Variants in MYLK observed in about 807,000 individuals in gnomAD.
MYLK encodes the protein myosin light chain kinase, also known as myosin light chain kinase, smooth muscle.
Under a neutral mutation model 203.4 loss-of-function variants are expected in MYLK, and 106 were observed. The ratio of observed to expected loss-of-function variants is 0.52; its 90% CI spans 0.45 to 0.61. The LOEUF is 0.61. MYLK is among the 20% of genes least tolerant of loss of function. The pLI, the probability that MYLK is intolerant of heterozygous loss-of-function variation, is 0.00. For synonymous variants in MYLK, 867 were observed against 959.5 expected (o/e 0.90, Z 1.78); for missense variants, 2,072 against 2,442.3 (o/e 0.85, Z 3.20).
intron 4 of MYLK, among the ~76,000 whole-genome samples, chr3:123,778,248 G>T (rs1348042867): frequency 6.6e-6 from 1 of 152,122 alleles, no homozygotes; most frequent in Non-Finnish European, 1.5e-5. Flanking sequence ...ATGGTATAGA[G>T]TATAACTGTG....
rs537224715 is a variant in MYLK, at chr3:123,700,841, C to A, written c.2627G>T (p.Arg876Leu). The A allele has an allele frequency of 6.2e-7, 1 of 1,613,968 alleles. No homozygotes were observed. The highest frequency in any genetic ancestry group is 1.7e-5 in the Admixed American group (1 of 60,008). Reference protein sequence around the residue: ...GEDVRGVLKRRVETRQHTEEA... With the variant: ...GEDVRGVLKRLVETRQHTEEA... ...CTCAGTGTGCTGCCTCGTCTCCACG[C>A]GCCTCTTCAGCACCCCTCGCACGTC... Residue 876 changes from arginine to leucine, a missense_variant, in exon 18 of 34, where the codon CGC becomes CTC. Physicochemically the swap from Arg to Leu is moderately radical, Grantham distance 102. This residue lies in a region of MYLK where 865 missense variants were observed against 1,016.0 expected (regional missense o/e 0.85). Transcript: ENST00000360304.
chr3:123,789,265 C>T (rs1272004781), intron 4 of MYLK, among the ~76,000 whole-genome samples: 1 of 152,160 alleles, frequency 6.6e-6, no homozygotes, highest in East Asian at 1.9e-4. Context: ...GTGAGCAGAA[C>T]ACAGAGCGCG....
At chr3:123,874,764 A>T (rs2033038597) in intron 2 of MYLK, among the ~76,000 whole-genome samples, 1 of 152,166 alleles carries the variant, frequency 6.6e-6, no homozygotes, top group Admixed American at 6.5e-5. Context: ...TGTCCAGAAT[A>T]TATAAAGAGC....
chr3:123,743,243 A>G (rs963847114), intron 5 of MYLK, among the ~76,000 whole-genome samples: 1 of 152,188 alleles, frequency 6.6e-6, no homozygotes, highest in Non-Finnish European at 1.5e-5. Context: ...AAATAAATAA[A>G]AGCAAAAACA....
intron 20 of MYLK, chr3:123,680,948 A>T (rs1421348111): frequency 6.6e-6 from 1 of 152,180 alleles, no homozygotes; most frequent in Non-Finnish European, 1.5e-5. Flanking sequence ...TAAAAATTAT[A>T]AGGGAAGCCA....
In MYLK at chr3:123,646,987, G is replaced by T. The variant is rs1171881231; in HGVS notation, c.4619+237C>A. 3 of 582,696 alleles carry T rather than the reference G, an allele frequency of 5.1e-6. No homozygotes were observed. The Admixed American group carries it at 9.1e-5, about 18-fold the overall frequency. 36.1% of individuals were successfully genotyped at this position (582,696 alleles called of 1,614,324 possible). On this transcript the variant is annotated intron_variant, in intron 27 of 33. Coordinates refer to ENST00000360304, the MANE Select transcript of MYLK (RefSeq NM_053025.4). ...CTCAAAGATCTACTGGTTTGTTTTG[G>T]AAATAAGCACAAGGCTGCAGCTGGG...
Position 123,618,690 on chromosome 3 carries a change from C to G in MYLK, c.5449G>C (p.Asp1817His). Reference protein sequence around the residue: ...VKPYFSKTIRDLEVVEGSAAR... With the variant: ...VKPYFSKTIRHLEVVEGSAAR... ...GCACTTCCCTCCACAACTTCTAAAT[C>G]GCGAATGGTCTTAGAGAAATAGGGT... Residue 1817 changes from aspartate to histidine, a missense_variant, in exon 33 of 34, where the codon GAT (aspartate) becomes CAT (histidine). Physicochemically the swap from Asp to His is moderately conservative, Grantham distance 81. This residue lies in a region of MYLK where 524 missense variants were observed against 782.4 expected (regional missense o/e 0.67). Coordinates refer to ENST00000360304, the MANE Select transcript of MYLK (RefSeq NM_053025.4). The G allele has an allele frequency of 6.2e-7, 1 of 1,614,152 alleles. No individual in the cohort carries two copies. The highest frequency in any genetic ancestry group is 1.3e-5 in the African/African-American group (1 of 75,032).
At chr3:123,733,419 C>A (rs562357715) in intron 10 of MYLK, among the ~76,000 whole-genome samples, 33 of 152,280 alleles carry the variant, frequency 2.2e-4, no homozygotes, top group African/African-American at 7.7e-4. Flanking sequence ...GAGGGTGTTT[C>A]TTCTAGGGTG....
At position 123,775,911 on chromosome 3, in the gene MYLK, T is replaced by C. The variant is rs569241331; in HGVS notation, c.165+17766A>G. ...ATCACCTACTGTGTGTCAGGCATCA[T>C]GGTAGGCACTGAGGTCTCCTGAGCC... On this transcript the variant is annotated intron_variant, in intron 4 of 33. Transcript: ENST00000360304. 2.4e-4 allele frequency among the ~76,000 whole-genome samples: 36 copies of C among 152,310 alleles called. 2 individuals carry two copies. In the South Asian group the frequency reaches 7.3e-3, roughly 31 times the overall value.
intron 18 of MYLK, among the ~76,000 whole-genome samples, chr3:123,695,042 C>T (rs1013890289): frequency 4.6e-5 from 7 of 152,164 alleles, no homozygotes; most frequent in Non-Finnish European, 7.4e-5. Flanking sequence ...GTGGAGTAAG[C>T]GCTCCTGGGT....
chr3:123,882,587 G>A (rs897287210), intron 1 of MYLK, among the ~76,000 whole-genome samples: 9 of 152,110 alleles, frequency 5.9e-5, no homozygotes, highest in African/African-American at 1.9e-4. Flanking sequence ...CTGCAAATGA[G>A]GTCCAGCATC....
chr3:123,765,420 A>T (rs1026633282), intron 4 of MYLK, among the ~76,000 whole-genome samples: 1 of 152,026 alleles, frequency 6.6e-6, no homozygotes, highest in Non-Finnish European at 1.5e-5. Context: ...AATCCCAGCT[A>T]CTTGGGAGGC....
chr3:123,640,140 T>C lies in MYLK; in HGVS notation c.4837+147A>G, dbSNP rs2058779969. The C allele has an allele frequency of 1.4e-6, 1 of 738,442 alleles. No individual in the cohort carries two copies. The highest frequency in any genetic ancestry group is 2.1e-5 in the Admixed American group (1 of 48,554). 45.7% of individuals were successfully genotyped at this position (738,442 alleles called of 1,614,324 possible). On this transcript the variant is annotated intron_variant, in intron 28 of 33. Coordinates refer to ENST00000360304, the MANE Select transcript of MYLK (RefSeq NM_053025.4). The surrounding 1 kb of genome is among the most constrained non-coding windows in gnomAD (Gnocchi z 4.3). ...TTGAGGCTTACTGTCACGTCTAGTA[T>C]GTGGTAGGGGCAGGATTCAAACCTG...
intron 20 of MYLK, among the ~76,000 whole-genome samples, chr3:123,679,035 G>A (rs1426125104): frequency 1.3e-5 from 2 of 152,186 alleles, no homozygotes; most frequent in African/African-American, 4.8e-5. Flanking sequence ...TCGGCCGGGC[G>A]CGGTGGCTCA....
At chr3:123,842,526 A>G (rs2066618993) in intron 2 of MYLK, among the ~76,000 whole-genome samples, 1 of 152,230 alleles carries the variant, frequency 6.6e-6, no homozygotes, top group Admixed American at 6.5e-5. Context: ...ATTACAAAAT[A>G]TGCATTACTC....
chr3:123,704,068 C>G (rs2061354874), intron 16 of MYLK, among the ~76,000 whole-genome samples: 1 of 152,234 alleles, frequency 6.6e-6, no homozygotes, highest in Admixed American at 6.5e-5. Flanking sequence ...CAGACTCAGA[C>G]AAGCCTCTCA....
Position 123,666,269 on chromosome 3 carries a change from C to T in MYLK, c.3781G>A (p.Val1261Met), listed in dbSNP as rs780094038. The change falls in exon 22 of 34, where the codon GTG becomes ATG. Residue 1261 changes from valine (V) to methionine (M), a missense_variant. Physicochemically the swap from Val to Met is conservative, Grantham distance 21. This residue lies in a region of MYLK where 865 missense variants were observed against 1,016.0 expected (regional missense o/e 0.85). Transcript: ENST00000360304. Reference protein sequence around the residue: ...AGESVELFGKVTGTQPITCTW... With the variant: ...AGESVELFGKMTGTQPITCTW... Reference sequence around the variant, plus strand: ...CAGGTGATGGGCTGAGTGCCTGTCACTTTGCCAAACAGCTCCACTGACTCT... The same window carrying T: ...CAGGTGATGGGCTGAGTGCCTGTCATTTTGCCAAACAGCTCCACTGACTCT... The T allele has an allele frequency of 1.4e-5, 23 of 1,614,218 alleles. 1 individual carries two copies. In the South Asian group the frequency reaches 1.4e-4, roughly 10 times the overall value.
Position 123,735,433 on chromosome 3 carries a change from G to C in MYLK, c.755-17C>G, listed in dbSNP as rs2108799589. ...TGTCCAAACCTGGAAAAAGGGGGAA[G>C]GGTGGAAAGACTGTTAGTAGAATGC... is the stretch of plus-strand genomic sequence containing the variant. On this transcript the variant is annotated splice_polypyrimidine_tract_variant and intron_variant, in intron 8 of 33. Coordinates refer to ENST00000360304, the MANE Select transcript of MYLK (RefSeq NM_053025.4). 6.2e-7 allele frequency: 1 copy of C among 1,614,046 alleles called. No homozygotes were observed. The highest frequency in any genetic ancestry group is 2.2e-5 in the East Asian group (1 of 44,892).
chr3:123,831,301 A>C, intron 3 of MYLK: 1 of 1,159,738 alleles, frequency 8.6e-7, no homozygotes, highest in Non-Finnish European at 1.1e-6. Context: ...GGCTAGTTCC[A>C]ATGATGATTT....
Sources: gnomAD v4.1 joint callset for allele counts (sites outside exome capture counted in the v4.1 genomes callset) on GRCh38, gnomAD v4.1.1 for gene constraint, gnomAD v4.1.1 regional missense constraint, Gnocchi (gnomAD v3.1) non-coding constraint, MANE v1.5 for transcripts, NCBI Gene and HGNC (gene_info 2026-07-23, HGNC 2026-07-21) for gene names.